Variants in PDE10A observed in about 807,000 individuals in gnomAD.
PDE10A encodes cAMP and cAMP-inhibited cGMP 3',5'-cyclic phosphodiesterase 10A.
In PDE10A, 39 loss-of-function variants were observed where a neutral mutation model predicts 97.7. The observed-to-expected ratio is 0.40, with a 90% CI of 0.31 to 0.52. PDE10A has a LOEUF of 0.52. Among genes scored for constraint, PDE10A ranks in the 20% least tolerant of loss-of-function variants. The pLI, the probability that PDE10A is intolerant of heterozygous loss-of-function variation, is 0.56. For missense variants in PDE10A, 731 were observed against 1,047.8 expected (o/e 0.70, Z 4.17); for synonymous variants, 371 against 376.8 (o/e 0.98, Z 0.18).
At chr6:165,852,579 TC>T (rs1224082316) in intron 1 of PDE10A, among the ~76,000 whole-genome samples, 2 of 152,342 alleles carry the variant, frequency 1.3e-5, no homozygotes, top group African/African-American at 4.8e-5. Context: ...TTTTAAATCT[TC>T]CTGTGAACAG....
At chr6:165,340,171 T>C (rs1781893460) in intron 19 of PDE10A, among the ~76,000 whole-genome samples, 1 of 152,240 alleles carries the variant, frequency 6.6e-6, no homozygotes, top group African/African-American at 2.4e-5. Context: ...GGATATGCTG[T>C]TCCCATTTTA....
At chr6:165,972,988 C>T (rs1049129318) in intron 1 of PDE10A, among the ~76,000 whole-genome samples, 2 of 152,068 alleles carry the variant, frequency 1.3e-5, no homozygotes, top group East Asian at 1.9e-4. Context: ...TTCCCCTCAC[C>T]GTCTCCCTCC....
Position 165,336,232 on chromosome 6 carries a change from C to T in PDE10A, c.2977-21G>A, listed in dbSNP as rs370798686. 61 of 1,580,686 alleles carry T rather than the reference C, an allele frequency of 3.9e-5. No homozygotes were observed. In the Admixed American group the frequency reaches 5.2e-4, roughly 13 times the overall value. On this transcript the variant is annotated intron_variant, in intron 20 of 21. Transcript: ENST00000539869. The stretch of plus-strand genomic sequence containing the variant: ...CCAAGCTGCCTCCATGCAAAAACCA[C>T]GGACAAGAAACAAAAGTGCACATTA...
chr6:165,334,903 C>T (rs1206371071), intron 21 of PDE10A, among the ~76,000 whole-genome samples: 2 of 152,078 alleles, frequency 1.3e-5, no homozygotes, highest in African/African-American at 4.8e-5. Flanking sequence ...ATTTCAACAG[C>T]AGAAGATAAG....
At chr6:165,656,256 TCTCACACACACACACACACACACACA>T in intron 1 of PDE10A, among the ~76,000 whole-genome samples, 1 of 106,698 alleles carries the variant, frequency 9.4e-6, no homozygotes, top group African/African-American at 3.6e-5. Context: ...TCTCTCTCTC[TCTCACACACACACACACACACACACA>T]CACACACACA....
chr6:165,414,699 C>A (rs1031293997), intron 12 of PDE10A, among the ~76,000 whole-genome samples: 1 of 152,178 alleles, frequency 6.6e-6, no homozygotes, highest in African/African-American at 2.4e-5. Context: ...AGAAGCGGAG[C>A]TGATTAGTGG....
rs9365909 is a variant in PDE10A, at chr6:165,692,956, A to C, written c.-614-149388T>G. Among the ~76,000 whole-genome samples the C allele has an allele frequency of 2.6e-5, 4 of 152,250 alleles. No homozygotes were observed. The East Asian group carries it at 7.7e-4, about 29-fold the overall frequency. On this transcript the variant is annotated intron_variant, in intron 1 of 19. Coordinates refer to the PDE10A transcript ENST00000366882. ...CCTACATCATTTTTAGATTTTGCAG[A>C]AAACTGTCCCTCCCTTATTTTTTAA...
chr6:165,511,205 G>A (rs1781487073), intron 2 of PDE10A, among the ~76,000 whole-genome samples: 2 of 151,802 alleles, frequency 1.3e-5, no homozygotes, highest in Non-Finnish European at 2.9e-5. Flanking sequence ...GTATACGACA[G>A]GTTTTGGTAT....
At chr6:165,840,923 T>A (rs1460766469) in intron 1 of PDE10A, among the ~76,000 whole-genome samples, 1 of 152,214 alleles carries the variant, frequency 6.6e-6, no homozygotes, top group African/African-American at 2.4e-5. Flanking sequence ...AGCACCCCAT[T>A]TTGGGGATGG....
intron 1 of PDE10A, among the ~76,000 whole-genome samples, chr6:165,754,774 AT>A: frequency 6.6e-6 from 1 of 152,254 alleles, no homozygotes; most frequent in South Asian, 2.1e-4. Context: ...ATAGTCCCTT[AT>A]TGATTATGTT....
chr6:165,860,419 T>G (rs748457676), intron 1 of PDE10A, among the ~76,000 whole-genome samples: 8 of 152,124 alleles, frequency 5.3e-5, no homozygotes, highest in Non-Finnish European at 1.0e-4. Flanking sequence ...GCCATTGCAC[T>G]CCAGCCTGGG....
At chr6:165,836,034 G>A (rs1247483272) in intron 1 of PDE10A, among the ~76,000 whole-genome samples, 1 of 152,144 alleles carries the variant, frequency 6.6e-6, no homozygotes, top group African/African-American at 2.4e-5. Context: ...TTGTCACAGT[G>A]CTCAAACATT....
chr6:165,714,737 G>A (rs1185095108), intron 1 of PDE10A, among the ~76,000 whole-genome samples: 2 of 152,248 alleles, frequency 1.3e-5, no homozygotes, highest in Non-Finnish European at 2.9e-5. Context: ...TAAAGAAACA[G>A]GAGTCTGTGC....
At chr6:165,952,171 G>A (rs1001817869) in intron 1 of PDE10A, among the ~76,000 whole-genome samples, 5 of 152,328 alleles carry the variant, frequency 3.3e-5, no homozygotes, top group African/African-American at 7.2e-5. Context: ...GCTCCGGAAC[G>A]CCTCTCAGCC....
intron 1 of PDE10A, among the ~76,000 whole-genome samples, chr6:165,925,207 C>T (rs1782897599): frequency 6.6e-6 from 1 of 152,160 alleles, no homozygotes; most frequent in Non-Finnish European, 1.5e-5. Flanking sequence ...CACTATACAC[C>T]TGTCACAATA....
chr6:165,394,933 A>G (rs1054067434), intron 15 of PDE10A, among the ~76,000 whole-genome samples: 2 of 152,178 alleles, frequency 1.3e-5, no homozygotes, highest in Non-Finnish European at 2.9e-5. Flanking sequence ...TTTTTATGAA[A>G]GCTTTTCAGA....
At chr6:165,889,888 AC>A in intron 1 of PDE10A, among the ~76,000 whole-genome samples, 1 of 25,492 alleles carries the variant, frequency 3.9e-5, no homozygotes, top group Non-Finnish European at 7.3e-5. Context: ...TCCCTCACTC[AC>A]TCCTCCCTCC....
chr6:165,925,480 G>A (rs1436567506), intron 1 of PDE10A, among the ~76,000 whole-genome samples: 2 of 152,120 alleles, frequency 1.3e-5, no homozygotes, highest in Admixed American at 1.3e-4. Flanking sequence ...AAAAAACACT[G>A]GAAATAACCC....
chr6:165,637,360 C>T (rs1411572056), intron 1 of PDE10A, among the ~76,000 whole-genome samples: 1 of 152,168 alleles, frequency 6.6e-6, no homozygotes, highest in Non-Finnish European at 1.5e-5. Context: ...TCACCGCACA[C>T]ATGTCCTGCC....
Sources: gnomAD v4.1 joint callset for allele counts (sites outside exome capture counted in the v4.1 genomes callset) on GRCh38, gnomAD v4.1.1 for gene constraint, MANE v1.5 for transcripts, NCBI Gene and HGNC (gene_info 2026-07-23, HGNC 2026-07-21) for gene names.